The following CRYBG1 variants were observed in gnomAD, a reference collection of about 807,000 sequenced individuals.
The protein encoded by CRYBG1 is beta/gamma crystallin domain-containing protein 1.
CRYBG1 carries 139 observed loss-of-function variants against 189.2 expected under a neutral mutation model. The ratio of observed to expected loss-of-function variants is 0.73; its 90% CI spans 0.64 to 0.85. The LOEUF is 0.85. CRYBG1 is among the 40% of genes least tolerant of loss of function. CRYBG1 has a pLI of 0.00. For missense variants in CRYBG1, 2,611 were observed against 2,675.8 expected, an observed-to-expected ratio of 0.98 and a Z score of 0.53; for synonymous variants, 1,023 against 1,017.1, an observed-to-expected ratio of 1.01 and a Z score of -0.11.
intron 2 of CRYBG1, among the ~76,000 whole-genome samples, chr6:106,488,501 C>T (rs534426214): frequency 6.6e-6 from 1 of 152,296 alleles, no homozygotes; most frequent in South Asian, 2.1e-4. Context: ...AGGCCAAGGG[C>T]AGGCACATGT....
At chr6:106,409,455 A>G (rs542672166) in intron 1 of CRYBG1, among the ~76,000 whole-genome samples, 47 of 152,232 alleles carry the variant, frequency 3.1e-4, no homozygotes, top group South Asian at 6.2e-4. Flanking sequence ...TCCCAAAGTA[A>G]TTTATAGATT....
Position 106,519,835 on chromosome 6 carries a change from T to C in CRYBG1, c.2627T>C (p.Leu876Pro), listed in dbSNP as rs908518140. Residue 876 changes from leucine to proline, a missense_variant, in exon 4 of 22, where the codon CTG becomes CCG. By Grantham distance (98) the Leu-to-Pro change is moderately conservative. Transcript: ENST00000633556. ...AESSPGPSLS[L>P]SAPAPGDVPK... ...TCATCTCCTGGGCCTTCTCTTTCAC[T>C]GTCTGCACCCGCTCCTGGGGATGTT... The C allele has an allele frequency of 6.2e-7, 1 of 1,614,106 alleles. No individual in the cohort carries two copies. The highest frequency in any genetic ancestry group is 1.3e-5 in the African/African-American group (1 of 74,938).
intron 1 of CRYBG1, among the ~76,000 whole-genome samples, chr6:106,434,331 G>A (rs1320418586): frequency 1.3e-5 from 2 of 152,152 alleles, no homozygotes; most frequent in Non-Finnish European, 2.9e-5. Context: ...TTGGAGGATA[G>A]CTACAACAGT....
chr6:106,462,150 GTTTGTTT>G (rs1196701895), intron 2 of CRYBG1, among the ~76,000 whole-genome samples: 8 of 151,786 alleles, frequency 5.3e-5, no homozygotes, highest in Non-Finnish European at 1.2e-4. Context: ...TTTTTTGTTT[GTTTGTTT>G]TTTGTTTTTT....
rs369444492 is a variant in CRYBG1, at chr6:106,528,768, G to A, written c.4578+1298G>A. Among the ~76,000 whole-genome samples the A allele has an allele frequency of 3.9e-5, 6 of 151,920 alleles. No individual in the cohort carries two copies. In the East Asian group the frequency reaches 9.7e-4, roughly 25 times the overall value. On this transcript the variant is annotated intron_variant, in intron 7 of 21. Transcript: ENST00000633556. ...GCTTTTCATGTTACCACAGGTTTAG[G>A]GTTTAGCTGAATATCATATTCCATT...
rs916490905 is a variant in CRYBG1 at position 106,527,587 on chromosome 6, G to C, written c.4578+117G>C. On this transcript the variant is annotated intron_variant, in intron 7 of 21. Transcript: ENST00000633556. ...TGGGAAACATATTTGGTGCCTTATGGATATATTTTCTGTATTTTAAGTATT... is the reference window on the plus strand; with the variant it reads ...TGGGAAACATATTTGGTGCCTTATGCATATATTTTCTGTATTTTAAGTATT... 8.6e-6 allele frequency: 9 copies of C among 1,046,384 alleles called. No individual in the cohort carries two copies. In the South Asian group the frequency reaches 1.6e-4, roughly 18 times the overall value. The allele number at this position is 1,046,384 out of a possible 1,614,324, so 64.8% of individuals were successfully genotyped here. A position where few individuals can be genotyped will look rare whatever the true frequency, so the allele number is the denominator to read the frequency against.
chr6:106,408,785 C>G (rs1187741862), intron 1 of CRYBG1, among the ~76,000 whole-genome samples: 1 of 152,150 alleles, frequency 6.6e-6, no homozygotes, highest in African/African-American at 2.4e-5. Context: ...ATGATTATCT[C>G]AATAGATGCA....
intron 2 of CRYBG1, among the ~76,000 whole-genome samples, chr6:106,480,550 C>G (rs990550522): frequency 2.6e-5 from 4 of 151,770 alleles, no homozygotes; most frequent in African/African-American, 4.8e-5. Flanking sequence ...ACCTGTAGTC[C>G]CAGCTACTTA....
At chr6:106,500,445 C>T (rs933136251) in intron 2 of CRYBG1, among the ~76,000 whole-genome samples, 4 of 132,722 alleles carry the variant, frequency 3.0e-5, no homozygotes, top group African/African-American at 1.2e-4. Flanking sequence ...AAAAAAAAAA[C>T]CTCTTGGCTA....
intron 2 of CRYBG1, among the ~76,000 whole-genome samples, chr6:106,489,787 CAAAAAAAAA>C (rs10593320): frequency 3.7e-5 from 3 of 81,678 alleles, no homozygotes; most frequent in Non-Finnish European, 8.0e-5. Flanking sequence ...ACTCTGTGTC[CAAAAAAAAA>C]AAAAAAAAAA....
rs969049101 is a variant in CRYBG1, at chr6:106,375,066, A to G, written c.173+13985A>G. Reference sequence around the variant, plus strand: ...TTAAAGTTTCTAAAGATAATGATGCAGACCTCTGTATATACCTTGTTTAAA... The same window carrying G: ...TTAAAGTTTCTAAAGATAATGATGCGGACCTCTGTATATACCTTGTTTAAA... On this transcript the variant is annotated intron_variant, in intron 1 of 21. Coordinates refer to ENST00000633556, the MANE Select transcript of CRYBG1 (RefSeq NM_001371242.2). Among the ~76,000 whole-genome samples the G allele has an allele frequency of 3.9e-5, 6 of 152,186 alleles. No homozygotes were observed. In the East Asian group the frequency reaches 1.2e-3, roughly 29 times the overall value.
chr6:106,471,066 T>G lies in CRYBG1; in HGVS notation c.312+19234T>G, dbSNP rs1010576001. On this transcript the variant is annotated intron_variant, in intron 2 of 21. Coordinates refer to ENST00000633556, the MANE Select transcript of CRYBG1 (RefSeq NM_001371242.2). ...TTTCAGCCCCACCCTTGTAATTTTC[T>G]ACATGAAAGGAGACTGCTGTCTGTT... 3.7e-4 allele frequency among the ~76,000 whole-genome samples: 56 copies of G among 152,206 alleles called. 1 individual carries two copies. Among genetic ancestry groups the G allele is most frequent in the Admixed American group, 6.5e-5 (1 of 15,286 alleles).
At chr6:106,367,319 T>G (rs1209663114) in intron 1 of CRYBG1, among the ~76,000 whole-genome samples, 1 of 152,136 alleles carries the variant, frequency 6.6e-6, no homozygotes, top group African/African-American at 2.4e-5. Context: ...CCAGGTGTGG[T>G]GGCTCACACC....
intron 1 of CRYBG1, among the ~76,000 whole-genome samples, chr6:106,371,456 T>G (rs1770029544): frequency 6.6e-6 from 1 of 152,246 alleles, no homozygotes; most frequent in Non-Finnish European, 1.5e-5. Context: ...CTTTCCCCAC[T>G]GTTGGCTTCC....
chr6:106,480,011 T>G (rs1772410085), intron 2 of CRYBG1, among the ~76,000 whole-genome samples: 1 of 152,160 alleles, frequency 6.6e-6, no homozygotes, highest in Admixed American at 6.5e-5. Flanking sequence ...AGATTAAAAC[T>G]CTGTTTTCTT....
intron 11 of CRYBG1, 132 bp downstream of exon 11, chr6:106,543,729 C>A: frequency 1.9e-6 from 2 of 1,027,796 alleles, no homozygotes; most frequent in East Asian, 2.5e-5. Flanking sequence ...TATCCACATT[C>A]TCCTCAGCCT....
chr6:106,517,006 CTT>C (rs5878896), intron 3 of CRYBG1, among the ~76,000 whole-genome samples: 1,174 of 106,620 alleles, frequency 0.011, 14 homozygotes, highest in African/African-American at 0.037. Flanking sequence ...ATGGTTTAGA[CTT>C]TTTTTTTTTT....
At chr6:106,472,922 A>AAAG (rs1554238764) in intron 2 of CRYBG1, among the ~76,000 whole-genome samples, 2 of 151,524 alleles carry the variant, frequency 1.3e-5, no homozygotes, top group African/African-American at 2.4e-5. Context: ...AAAAAAAAAA[A>AAAG]AAAGAAAGTA....
intron 2 of CRYBG1, among the ~76,000 whole-genome samples, chr6:106,504,739 G>T (rs573933772): frequency 1.8e-4 from 27 of 151,994 alleles, no homozygotes; most frequent in Non-Finnish European, 3.8e-4. Flanking sequence ...AAACGGAAAG[G>T]TGGGGAGGAT....
Sources: allele counts gnomAD v4.1 joint callset (sites outside exome capture counted in the v4.1 genomes callset), GRCh38; gene constraint gnomAD v4.1.1; transcripts MANE v1.5; gene names NCBI Gene and HGNC (gene_info 2026-07-23, HGNC 2026-07-21).